Variants in ARHGEF3 observed in about 807,000 individuals in gnomAD.
ARHGEF3 encodes the protein Rho guanine nucleotide exchange factor 3, also known as 59.8 kDA protein.
A neutral mutation model predicts 63.2 loss-of-function variants in ARHGEF3; 28 were observed. The observed-to-expected ratio is 0.44, with a 90% confidence interval of 0.33 to 0.61. ARHGEF3 has a LOEUF of 0.61. Among genes scored for constraint, ARHGEF3 ranks in the 20% least tolerant of loss-of-function variants. ARHGEF3 has a pLI of 0.03. For synonymous variants in ARHGEF3, 266 were observed against 254.2 expected (o/e 1.05, Z -0.44); for missense variants, 533 against 659.3 (o/e 0.81, Z 2.10).
intron 3 of ARHGEF3, among the ~76,000 whole-genome samples, chr3:56,915,745 G>C (rs2041971515): frequency 6.6e-6 from 1 of 152,052 alleles, no homozygotes; most frequent in African/African-American, 2.4e-5. Flanking sequence ...CAAAACACCA[G>C]GATCACTTTA....
At position 56,908,858 on chromosome 3, in the gene ARHGEF3, GTA is replaced by G. The variant is rs150810414; in HGVS notation, c.130-26506_130-26505del. On this transcript the variant is annotated intron_variant, in intron 3 of 12. Coordinates refer to the ARHGEF3 transcript ENST00000338458. ...TTTGACCCAGCAATCCCATTACTGG[GTA>G]TATACCCAAAGGAAGAGAAATTATT... Among the ~76,000 whole-genome samples the G allele has an allele frequency of 1.6e-3, 247 of 152,252 alleles. 2 individuals carry two copies. The highest frequency in any genetic ancestry group is 5.5e-3 in the African/African-American group (230 of 41,542).
At chr3:56,876,856 G>A (rs542832479) in intron 4 of ARHGEF3, among the ~76,000 whole-genome samples, 2 of 152,290 alleles carry the variant, frequency 1.3e-5, no homozygotes, top group East Asian at 1.9e-4. Context: ...GCCCTGTCAG[G>A]GGCTTTCCTA....
At chr3:57,031,049 G>A (rs1037751813) in intron 2 of ARHGEF3, among the ~76,000 whole-genome samples, 9 of 152,136 alleles carry the variant, frequency 5.9e-5, no homozygotes, top group African/African-American at 1.9e-4. Context: ...CCAGCTGGTC[G>A]GCTTTGTCTC....
chr3:56,763,725 T>C (rs1212457869), intron 2 of ARHGEF3, among the ~76,000 whole-genome samples: 1 of 152,098 alleles, frequency 6.6e-6, no homozygotes, highest in African/African-American at 2.4e-5. Flanking sequence ...TTATTTATTT[T>C]TAATTTTTTG....
At chr3:56,942,016 T>C (rs1488467240) in intron 3 of ARHGEF3, among the ~76,000 whole-genome samples, 1 of 152,232 alleles carries the variant, frequency 6.6e-6, no homozygotes, top group East Asian at 1.9e-4. Flanking sequence ...GGGATGATTC[T>C]GGTAGAAGTT....
At chr3:56,829,781 GGA>G (rs2038863869) in intron 4 of ARHGEF3, among the ~76,000 whole-genome samples, 1 of 152,208 alleles carries the variant, frequency 6.6e-6, no homozygotes, top group Non-Finnish European at 1.5e-5. Flanking sequence ...CAGGGGTCAG[GGA>G]GAGAGCCCTC....
intron 4 of ARHGEF3, among the ~76,000 whole-genome samples, chr3:56,866,331 A>G (rs1044743372): frequency 6.6e-6 from 1 of 152,216 alleles, no homozygotes; most frequent in South Asian, 2.1e-4. Context: ...AACCTTATTT[A>G]CCTTTTCCGA....
At chr3:57,027,889 C>T (rs1410898368) in intron 2 of ARHGEF3, among the ~76,000 whole-genome samples, 2 of 152,066 alleles carry the variant, frequency 1.3e-5, no homozygotes, top group East Asian at 1.9e-4. Context: ...AGGTTTAAGC[C>T]TAAGCCCTAG....
At chr3:56,968,878 G>T (rs1700783030) in intron 2 of ARHGEF3, among the ~76,000 whole-genome samples, 1 of 152,144 alleles carries the variant, frequency 6.6e-6, no homozygotes, top group Admixed American at 6.5e-5. Context: ...CCATCATATT[G>T]AACAGCACAG....
intron 1 of ARHGEF3, among the ~76,000 whole-genome samples, chr3:57,057,845 C>A (rs1042136443): frequency 4.6e-5 from 7 of 152,156 alleles, no homozygotes; most frequent in Non-Finnish European, 1.0e-4. Context: ...CTATAACAGA[C>A]AAACTGGGGG....
At chr3:56,826,652 C>T (rs1264594639) in intron 4 of ARHGEF3, among the ~76,000 whole-genome samples, 2 of 152,146 alleles carry the variant, frequency 1.3e-5, no homozygotes, top group African/African-American at 4.8e-5. Flanking sequence ...CATAAGTATC[C>T]AAAGCTACCT....
chr3:56,922,395 A>G (rs1337724673), intron 3 of ARHGEF3, among the ~76,000 whole-genome samples: 5 of 151,336 alleles, frequency 3.3e-5, no homozygotes, highest in African/African-American at 7.3e-5. Context: ...GCTGATATCT[A>G]TCAGCCAAAG....
At chr3:56,742,828 T>C (rs1390661773) in intron 7 of ARHGEF3, among the ~76,000 whole-genome samples, 2 of 152,256 alleles carry the variant, frequency 1.3e-5, no homozygotes, top group African/African-American at 4.8e-5. Flanking sequence ...CTTTATGCAC[T>C]AGGAAAACTG....
At chr3:56,844,624 C>T (rs1200575042) in intron 4 of ARHGEF3, among the ~76,000 whole-genome samples, 1 of 152,138 alleles carries the variant, frequency 6.6e-6, no homozygotes, top group East Asian at 1.9e-4. Context: ...AACCTTATAG[C>T]AGGGCTAAAA....
chr3:56,955,181 C>CG (rs954983596), intron 3 of ARHGEF3, among the ~76,000 whole-genome samples: 1 of 143,214 alleles, frequency 7.0e-6, no homozygotes, highest in Non-Finnish European at 1.5e-5. Context: ...GATCCTTTTT[C>CG]TTTTTTTTTT....
At chr3:56,968,201 T>TAA (rs1700712815) in intron 2 of ARHGEF3, among the ~76,000 whole-genome samples, 3 of 30,248 alleles carry the variant, frequency 9.9e-5, no homozygotes, top group Non-Finnish European at 1.8e-4. Flanking sequence ...ATATATAATA[T>TAA]ATAAAAATAT....
At position 56,933,039 on chromosome 3, in the gene ARHGEF3, T is replaced by C. The variant is rs115645656; in HGVS notation, c.129+25784A>G. Among the ~76,000 whole-genome samples, 433 of 152,346 alleles carry C rather than the reference T, an allele frequency of 2.8e-3. 3 individuals carry two copies. Among genetic ancestry groups the C allele is most frequent in the African/African-American group, 9.9e-3 (412 of 41,582 alleles). On this transcript the variant is annotated intron_variant, in intron 3 of 12. Transcript: ENST00000338458. ...TGATTAAGAAGCCAAGAACAGTTAG[T>C]TCAGTACCAGTCTGCGGCAGTACAC... is the stretch of plus-strand genomic sequence containing the variant.
chr3:56,917,996 G>A (rs1027485798), intron 3 of ARHGEF3, among the ~76,000 whole-genome samples: 7 of 152,212 alleles, frequency 4.6e-5, no homozygotes, highest in African/African-American at 1.7e-4. Flanking sequence ...GTTTCAGATT[G>A]TCCTTGGGAT....
At chr3:56,768,868 G>A (rs2107821598) in intron 2 of ARHGEF3, among the ~76,000 whole-genome samples, 1 of 152,314 alleles carries the variant, frequency 6.6e-6, no homozygotes, top group Admixed American at 6.5e-5. Context: ...AAGAGAAACT[G>A]ATCATCCACA....
Sources: gnomAD v4.1 joint callset for allele counts (sites outside exome capture counted in the v4.1 genomes callset) on GRCh38, gnomAD v4.1.1 for gene constraint, MANE v1.5 for transcripts, NCBI Gene and HGNC (gene_info 2026-07-23, HGNC 2026-07-21) for gene names.